The following ATP11C variants were observed in gnomAD, a reference collection of about 807,000 sequenced individuals.
ATP11C encodes phospholipid-transporting ATPase IG.
A neutral mutation model predicts 97.4 loss-of-function variants in ATP11C; 36 were observed. That is an observed-to-expected ratio of 0.37 (90% CI 0.28 to 0.49). The LOEUF (loss-of-function observed/expected upper bound fraction) is 0.49. Ranked by LOEUF, ATP11C falls within the 20% of genes least tolerant of loss-of-function variation. The pLI is 0.98. For synonymous variants in ATP11C, 275 were observed against 290.9 expected (o/e 0.95, Z 0.56); for missense variants, 730 against 824.6 (o/e 0.89, Z 1.40).
At chrX:139,778,983 T>A (rs1473011999) in intron 18 of ATP11C, among the ~76,000 whole-genome samples, 1 of 111,215 alleles carries the variant, frequency 9.0e-6, no homozygotes, top group Non-Finnish European at 1.9e-5. Context: ...CAACAGTAAA[T>A]AAAAAGACAA....
intron 1 of ATP11C, chrX:139,885,392 C>T (rs1023335547): frequency 1.8e-5 from 2 of 111,073 alleles, no homozygotes; most frequent in Non-Finnish European, 3.8e-5. Context: ...TACACACTGC[C>T]TAGTACATAC....
intron 2 of ATP11C, among the ~76,000 whole-genome samples, chrX:139,825,159 T>G (rs184863939): frequency 1.9e-4 from 21 of 111,034 alleles, no homozygotes; most frequent in Non-Finnish European, 3.4e-4. Context: ...CCGTTTGAGT[T>G]GTCGCCCCAT....
At chrX:139,917,738 A>G (rs965074960) in intron 1 of ATP11C, among the ~76,000 whole-genome samples, 4 of 110,992 alleles carry the variant, frequency 3.6e-5, no homozygotes, top group Non-Finnish European at 5.7e-5. Context: ...GGGGGATCAC[A>G]TAAGGTCAGG....
chrX:139,825,759 A>C (rs746225976), intron 2 of ATP11C, among the ~76,000 whole-genome samples: 2 of 112,715 alleles, frequency 1.8e-5, no homozygotes, highest in South Asian at 3.7e-4. Flanking sequence ...AGTGATTACA[A>C]GTGTACAGTG....
At chrX:139,923,746 T>C (rs1001245125) in intron 1 of ATP11C, among the ~76,000 whole-genome samples, 3 of 111,689 alleles carry the variant, frequency 2.7e-5, no homozygotes, top group Non-Finnish European at 5.6e-5. Context: ...TCCCTGTCGA[T>C]ATGTGGGATT....
intron 1 of ATP11C, among the ~76,000 whole-genome samples, chrX:139,853,833 CAAAAAAAA>C (rs934664774): frequency 0.023 from 485 of 21,258 alleles, 4 homozygotes; most frequent in African/African-American, 0.078. Flanking sequence ...TATCCTAAGT[CAAAAAAAA>C]AAAAAAAAAA....
At chrX:139,934,552 CTTTTTTTT>C (rs760781660), upstream of ATP11C, among the ~76,000 whole-genome samples, 1,012 of 93,683 alleles carry the variant, frequency 0.011, 12 homozygotes, top group Admixed American at 0.052. Context: ...CTAGCTTTAC[CTTTTTTTT>C]TTTTTTTTTT....
Position 139,757,731 on chromosome X carries a change from T to C in ATP11C, c.2700+77A>G, listed in dbSNP as rs1284566960. The C allele has an allele frequency of 1.4e-5, 10 of 716,773 alleles. No homozygotes were observed. In the East Asian group the frequency reaches 2.1e-4, roughly 15 times the overall value. 59.1% of individuals were successfully genotyped at this position (716,773 alleles called of 1,213,427 possible). On this transcript the variant is annotated intron_variant, in intron 23 of 29. Transcript: ENST00000682941. ...ACTTTGTACATACATCTCTAATCTCTAGAAATCTAATATATAAGGGTAATT... is the reference window on the plus strand; with the variant it reads ...ACTTTGTACATACATCTCTAATCTCCAGAAATCTAATATATAAGGGTAATT...
At chrX:139,736,687 T>G (rs1415494572) in intron 28 of ATP11C, among the ~76,000 whole-genome samples, 1 of 111,507 alleles carries the variant, frequency 9.0e-6, no homozygotes, top group Non-Finnish European at 1.9e-5. Flanking sequence ...GTAAAGCAGT[T>G]GTAACTAAGC....
At chrX:139,862,533 C>T (rs753085418) in intron 1 of ATP11C, among the ~76,000 whole-genome samples, 248 of 111,804 alleles carry the variant, frequency 2.2e-3, no homozygotes, top group Middle Eastern at 4.6e-3. Flanking sequence ...AAAAAATCCC[C>T]ACATTTTGTC....
At chrX:139,783,844 G>C (rs1358216517) in intron 16 of ATP11C, among the ~76,000 whole-genome samples, 3 of 106,194 alleles carry the variant, frequency 2.8e-5, no homozygotes, top group African/African-American at 1.1e-4. Flanking sequence ...CTCCAGCCTA[G>C]ATGACAGAGT....
At chrX:139,877,679 C>T (rs1416842519) in intron 1 of ATP11C, among the ~76,000 whole-genome samples, 1 of 112,402 alleles carries the variant, frequency 8.9e-6, no homozygotes, top group Non-Finnish European at 1.9e-5. Flanking sequence ...CAAAAGTCCA[C>T]TGTTGGCTAC....
intron 1 of ATP11C, among the ~76,000 whole-genome samples, chrX:139,921,442 A>G (rs987277143): frequency 2.7e-5 from 3 of 111,592 alleles, no homozygotes; most frequent in Non-Finnish European, 5.6e-5. Flanking sequence ...GCCTTCTGCC[A>G]TGATTGGAAG....
chrX:139,794,850 C>G (rs1319368294), intron 12 of ATP11C, among the ~76,000 whole-genome samples: 1 of 111,765 alleles, frequency 8.9e-6, no homozygotes, highest in Non-Finnish European at 1.9e-5. Flanking sequence ...GTAGTTGAGG[C>G]TAGCCCCAAG....
intron 18 of ATP11C, among the ~76,000 whole-genome samples, chrX:139,777,338 T>C (rs1176035757): frequency 1.8e-5 from 2 of 109,404 alleles, no homozygotes; most frequent in Non-Finnish European, 3.8e-5. Context: ...ACAAACCAAT[T>C]AGAACACCTG....
intron 1 of ATP11C, among the ~76,000 whole-genome samples, chrX:139,913,419 C>A (rs962151570): frequency 3.2e-4 from 36 of 111,779 alleles, no homozygotes; most frequent in Admixed American, 3.0e-3. Context: ...ACAGTATACC[C>A]CTATTAAAAA....
chrX:139,810,306 T>G (rs771065986), intron 5 of ATP11C, among the ~76,000 whole-genome samples: 1 of 110,295 alleles, frequency 9.1e-6, no homozygotes, highest in East Asian at 2.9e-4. Context: ...AAATACAAAA[T>G]TAGTCGGGCA....
intron 1 of ATP11C, among the ~76,000 whole-genome samples, chrX:139,887,783 C>A: frequency 1.8e-5 from 2 of 110,395 alleles, no homozygotes; most frequent in Non-Finnish European, 3.8e-5. Flanking sequence ...CCAGCCTGGG[C>A]AACAAGGTAA....
intron 1 of ATP11C, among the ~76,000 whole-genome samples, chrX:139,915,882 G>T (rs949224538): frequency 9.0e-6 from 1 of 111,193 alleles, no homozygotes; most frequent in African/African-American, 3.3e-5. Context: ...CTACATCACA[G>T]AATATTAAAT....
Sources: allele counts gnomAD v4.1 joint callset (sites outside exome capture counted in the v4.1 genomes callset), GRCh38; gene constraint gnomAD v4.1.1; transcripts MANE v1.5; gene names NCBI Gene and HGNC (gene_info 2026-07-23, HGNC 2026-07-21).